MMS22L: variants seen among roughly 807,000 people sequenced by gnomAD.
MMS22L encodes the protein MMS22 like, DNA repair protein.
In MMS22L, 74 loss-of-function variants were observed where a neutral mutation model predicts 159.1. The ratio of observed to expected loss-of-function variants is 0.47; its 90% CI spans 0.39 to 0.56. The LOEUF (loss-of-function observed/expected upper bound fraction) is 0.56. Ranked by LOEUF, MMS22L falls within the 20% of genes least tolerant of loss-of-function variation. MMS22L has a pLI of 0.00. For synonymous variants in MMS22L, 517 were observed against 506.9 expected, an observed-to-expected ratio of 1.02 and a Z score of -0.27; for missense variants, 1,351 against 1,422.1, an observed-to-expected ratio of 0.95 and a Z score of 0.80.
chr6:97,191,606 A>G (rs974717291), intron 14 of MMS22L, among the ~76,000 whole-genome samples: 3 of 152,234 alleles, frequency 2.0e-5, no homozygotes, highest in Admixed American at 1.3e-4. Context: ...AGTGAAAAAT[A>G]TAATGGAAAA....
intron 8 of MMS22L, chr6:97,264,866 A>AC (rs1814916977): frequency 2.6e-5 from 4 of 152,140 alleles, no homozygotes; most frequent in Non-Finnish European, 5.9e-5. Flanking sequence ...ACACTGAAAA[A>AC]TAAAAAACAC....
intron 22 of MMS22L, 146 bp from the exon 23 acceptor site, chr6:97,152,013 TAA>T (rs1801369459): frequency 3.5e-6 from 2 of 567,016 alleles, no homozygotes; most frequent in South Asian, 2.9e-5. Flanking sequence ...GAAATAGTTC[TAA>T]GTTTTTGTTT....
At chr6:97,155,955 A>G (rs1275756747) in intron 22 of MMS22L, among the ~76,000 whole-genome samples, 1 of 152,186 alleles carries the variant, frequency 6.6e-6, no homozygotes, top group African/African-American at 2.4e-5. Flanking sequence ...CAACAGTGTG[A>G]AAGTGTTCCT....
intron 14 of MMS22L, among the ~76,000 whole-genome samples, chr6:97,205,194 C>T (rs541253543): frequency 2.0e-4 from 30 of 151,558 alleles, no homozygotes; most frequent in Non-Finnish European, 3.2e-4. Flanking sequence ...CTGCCCATCT[C>T]GGCCTCCCAA....
chr6:97,201,306 T>C (rs1197368086), intron 14 of MMS22L, among the ~76,000 whole-genome samples: 2 of 152,188 alleles, frequency 1.3e-5, no homozygotes, highest in African/African-American at 2.4e-5. Context: ...GTTAAAGAGC[T>C]TGTTCCTATA....
intron 24 of MMS22L, among the ~76,000 whole-genome samples, chr6:97,148,594 A>G (rs915866109): frequency 5.9e-5 from 9 of 152,202 alleles, no homozygotes; most frequent in Non-Finnish European, 7.4e-5. Context: ...TTAAAAATAG[A>G]AAAAAGCTTA....
chr6:97,182,039 G>T lies in MMS22L; in HGVS notation c.2249C>A (p.Ala750Glu), dbSNP rs1804770860. Residue 750 changes from alanine (A) to glutamate (E), a missense_variant, in exon 16 of 25, where the codon GCA (alanine) becomes GAA (glutamate). Physicochemically the swap from Ala to Glu is moderately radical, Grantham distance 107. Transcript: ENST00000683635. ...TGGAGCTGTGCTTGGCATGTCCATT[G>T]CTAGCAAAGTAAAGTCTAGATTCAA... is the stretch of plus-strand genomic sequence containing the variant. ...ADAAADFTLL[A>E]MDMPSTAPSD... 6.2e-7 allele frequency: 1 copy of T among 1,610,088 alleles called. No homozygotes were observed. The highest frequency in any genetic ancestry group is 1.7e-5 in the Admixed American group (1 of 59,278).
chr6:97,263,550 G>T (rs778475724), intron 8 of MMS22L, 102 bp from the exon 9 acceptor site: 128 of 515,750 alleles, frequency 2.5e-4, no homozygotes, highest in Non-Finnish European at 3.7e-4. Flanking sequence ...AGATGACTAA[G>T]AATTTATTCT....
chr6:97,181,408 AT>A (rs1470712550), intron 16 of MMS22L, among the ~76,000 whole-genome samples: 11 of 152,028 alleles, frequency 7.2e-5, no homozygotes, highest in Non-Finnish European at 1.5e-4. Context: ...GGAAATACTT[AT>A]AGATAAGGAA....
intron 24 of MMS22L, among the ~76,000 whole-genome samples, chr6:97,148,796 A>C (rs908612664): frequency 1.3e-5 from 2 of 152,176 alleles, no homozygotes; most frequent in African/African-American, 4.8e-5. Flanking sequence ...TTATGTTTAT[A>C]ATGTCTACTA....
At position 97,151,795 on chromosome 6, in the gene MMS22L, G is replaced by A. The variant is rs1801345211; in HGVS notation, c.3458C>T (p.Ser1153Phe). ...CCTAAACACAGAAGTCAGCTGGGAG[G>A]AAGGTTCTTCTTCTGACCCCACTTG... is the stretch of plus-strand genomic sequence containing the variant. ...ACQVGSEEEP[S>F]SQLTSVFRQF... Residue 1153 changes from serine (S) to phenylalanine (F), a missense_variant, in exon 23 of 25, where the codon TCC (serine) becomes TTC (phenylalanine). Coordinates refer to ENST00000683635, the MANE Select transcript of MMS22L (RefSeq NM_001350599.2). 1 of 1,613,632 alleles carries A rather than the reference G, an allele frequency of 6.2e-7. No individual in the cohort carries two copies. The highest frequency in any genetic ancestry group is 8.5e-7 in the Non-Finnish European group (1 of 1,179,680).
At position 97,233,874 on chromosome 6, in the gene MMS22L, T is replaced by C. The variant is rs1389711858; in HGVS notation, c.1289A>G (p.Tyr430Cys). 1.9e-6 allele frequency: 3 copies of C among 1,608,050 alleles called. No homozygotes were observed. The highest frequency in any genetic ancestry group is 3.4e-5 in the Admixed American group (2 of 58,960). ...CTATTCACTCACCAGGTTCTTACTATAATATTCCCATAAAATGGTAACAAT... is the reference window on the plus strand; with the variant it reads ...CTATTCACTCACCAGGTTCTTACTACAATATTCCCATAAAATGGTAACAAT... ...IAIVTILWEY[Y>C]SKNLNSSFSI... The change falls in exon 12 of 25, where the codon TAT becomes TGT. Residue 430 changes from tyrosine to cysteine, a missense_variant. By Grantham distance (194) the Tyr-to-Cys change is radical (BLOSUM62 -2). Transcript: ENST00000683635.
chr6:97,225,563 G>A (rs1174135833), intron 14 of MMS22L, among the ~76,000 whole-genome samples: 2 of 150,820 alleles, frequency 1.3e-5, no homozygotes, highest in African/African-American at 4.9e-5. Context: ...TGGCCAGGCT[G>A]GTCTCGAAGT....
intron 14 of MMS22L, among the ~76,000 whole-genome samples, chr6:97,218,051 C>T (rs1809218522): frequency 6.6e-6 from 1 of 152,126 alleles, no homozygotes; most frequent in African/African-American, 2.4e-5. Context: ...GACCCACTTG[C>T]TGCACCTGTT....
At chr6:97,280,043 C>T (rs1283869269) in intron 3 of MMS22L, among the ~76,000 whole-genome samples, 2 of 152,086 alleles carry the variant, frequency 1.3e-5, no homozygotes, top group African/African-American at 2.4e-5. Flanking sequence ...GATAAAGACT[C>T]GCTCATTCTG....
chr6:97,283,133 G>C lies in MMS22L; in HGVS notation c.-114C>G, dbSNP rs1294696197. On this transcript the variant is annotated 5_prime_UTR_variant, in exon 1 of 25. Coordinates refer to ENST00000683635, the MANE Select transcript of MMS22L (RefSeq NM_001350599.2). ...CCAGCTCCCGAAACCTGCCTCCTGT[G>C]ACCCAGACCACCAACAGGAATCTTT... 1.3e-5 allele frequency: 2 copies of C among 152,242 alleles called. No homozygotes were observed. Among genetic ancestry groups the C allele is most frequent in the East Asian group, 3.9e-4 (2 of 5,194 alleles). The allele number at this position is 152,242 out of a possible 1,614,324, so 9.4% of individuals were successfully genotyped here. A position where few individuals can be genotyped will look rare whatever the true frequency, so the allele number is the denominator to read the frequency against.
At chr6:97,239,668 C>G (rs1175674035) in intron 11 of MMS22L, among the ~76,000 whole-genome samples, 2 of 152,146 alleles carry the variant, frequency 1.3e-5, no homozygotes, top group African/African-American at 2.4e-5. Context: ...ATCCCAAGCA[C>G]TATTGGAAGC....
intron 14 of MMS22L, among the ~76,000 whole-genome samples, chr6:97,217,916 A>G (rs990833375): frequency 3.3e-5 from 5 of 152,046 alleles, no homozygotes; most frequent in African/African-American, 9.7e-5. Context: ...CCCTCTTCCA[A>G]ATGCCTTCCT....
chr6:97,227,501 A>G (rs1406737329), intron 14 of MMS22L, among the ~76,000 whole-genome samples: 3 of 152,246 alleles, frequency 2.0e-5, no homozygotes, highest in African/African-American at 7.2e-5. Flanking sequence ...AAGCACAGGG[A>G]ATCACTTAAC....
Sources: allele counts gnomAD v4.1 joint callset (sites outside exome capture counted in the v4.1 genomes callset), GRCh38; gene constraint gnomAD v4.1.1; transcripts MANE v1.5; gene names NCBI Gene and HGNC (gene_info 2026-07-23, HGNC 2026-07-21).